Variants in MTOR observed in about 807,000 individuals in gnomAD.
The protein encoded by MTOR is serine/threonine-protein kinase mTOR.
Under a neutral mutation model 319.8 loss-of-function variants are expected in MTOR, and 70 were observed. The ratio of observed to expected loss-of-function variants is 0.22; its 90% confidence interval spans 0.18 to 0.27. The LOEUF is 0.27. Ranked by LOEUF, MTOR falls within the 10% of genes least tolerant of loss-of-function variation. MTOR has a pLI of 1.00. For synonymous variants in MTOR, 1,183 were observed against 1,211.4 expected (o/e 0.98, Z 0.49); for missense variants, 1,890 against 3,274.4 (o/e 0.58, Z 10.32).
chr1:11,258,670 G>A, intron 2 of MTOR, 77 bp from the exon 3 acceptor site: 1 of 1,085,126 alleles, frequency 9.2e-7, no homozygotes, highest in Non-Finnish European at 1.4e-6. Context: ...GGCATCTAAA[G>A]ATTAGATCCT....
At chr1:11,170,849 A>C (rs1644790441) in intron 28 of MTOR, among the ~76,000 whole-genome samples, 3 of 151,046 alleles carry the variant, frequency 2.0e-5, no homozygotes, top group Non-Finnish European at 4.4e-5. Context: ...ACCACACCAC[A>C]CACGCCGGGC....
chr1:11,248,488 ATC>A (rs1649143144), intron 6 of MTOR, among the ~76,000 whole-genome samples: 1 of 152,150 alleles, frequency 6.6e-6, no homozygotes, highest in African/African-American at 2.4e-5. Flanking sequence ...GGACTGTCTG[ATC>A]TCTTTCTTCT....
In MTOR at chr1:11,128,384, G is replaced by T; in HGVS notation, c.5910+70C>A. 6.7e-7 allele frequency: 1 copy of T among 1,498,932 alleles called. No individual in the cohort carries two copies. Among genetic ancestry groups the T allele is most frequent in the Non-Finnish European group, 9.3e-7 (1 of 1,078,378 alleles). 92.9% of individuals were successfully genotyped at this position (1,498,932 alleles called of 1,614,324 possible). ...CCCAGTTCCTGCGCTTGTGTCGCCA[G>T]GGCAGCTTTTGGAAAGGCTGACCAC... On this transcript the variant is annotated intron_variant, in intron 42 of 57. Coordinates refer to ENST00000361445, the MANE Select transcript of MTOR (RefSeq NM_004958.4). The surrounding 1 kb of genome is among the most constrained non-coding windows in gnomAD (Gnocchi z 5.3).
Position 11,121,951 on chromosome 1 carries a change from C to T in MTOR, c.6810+28G>A, listed in dbSNP as rs2100361067. 3.7e-6 allele frequency: 6 copies of T among 1,611,556 alleles called. No individual in the cohort carries two copies. Among genetic ancestry groups the T allele is most frequent in the Non-Finnish European group, 5.1e-6 (6 of 1,178,412 alleles). The stretch of plus-strand genomic sequence containing the variant: ...CGGAGATTCCCTGCCACGGAAGGGG[C>T]ACTAGCTCTCGTGGCCGCATCACAT... On this transcript the variant is annotated intron_variant, in intron 48 of 57. Coordinates refer to ENST00000361445, the MANE Select transcript of MTOR (RefSeq NM_004958.4). The surrounding 1 kb of genome is among the most constrained non-coding windows in gnomAD (Gnocchi z 4.9).
At chr1:11,131,076 A>G in intron 38 of MTOR, 1 of 470,120 alleles carries the variant, frequency 2.1e-6, no homozygotes, top group Non-Finnish European at 3.8e-6. Flanking sequence ...GAGCTCACGC[A>G]CAAACCTGAA....
chr1:11,175,333 T>C (rs1250372731), intron 28 of MTOR, among the ~76,000 whole-genome samples: 1 of 152,116 alleles, frequency 6.6e-6, no homozygotes, highest in Non-Finnish European at 1.5e-5. Context: ...TACAGACATA[T>C]TCATTCTCAT....
chr1:11,190,102 G>C lies in MTOR; in HGVS notation c.4253+9156C>G, dbSNP rs17036487. On this transcript the variant is annotated intron_variant, in intron 28 of 57. Coordinates refer to ENST00000361445, the MANE Select transcript of MTOR (RefSeq NM_004958.4). ...TAAAGGCTTATGCAGTATTTCCTTT[G>C]ACTTCTAATGCTATGTAAGTTTACC... The C allele has an allele frequency of 8.1e-3, 7,592 of 933,692 alleles. 261 individuals are homozygous for C. The highest frequency in any genetic ancestry group is 0.062 in the Admixed American group (2,145 of 34,790). 57.8% of individuals were successfully genotyped at this position (933,692 alleles called of 1,614,324 possible).
At chr1:11,157,389 A>T (rs916384945) in intron 29 of MTOR, 98 bp from the exon 30 acceptor site, 47 of 1,393,046 alleles carry the variant, frequency 3.4e-5, no homozygotes, top group Non-Finnish European at 4.1e-5. Flanking sequence ...TGCTGTACGC[A>T]TGACACTTCA....
chr1:11,192,389 C>T (rs1645575623), intron 28 of MTOR: 2 of 1,566,090 alleles, frequency 1.3e-6, no homozygotes, highest in East Asian at 4.5e-5. Flanking sequence ...ATTACAGTCA[C>T]TGGCCATGCC....
intron 36 of MTOR, among the ~76,000 whole-genome samples, chr1:11,137,003 G>C (rs541140615): frequency 6.6e-6 from 1 of 151,062 alleles, no homozygotes; most frequent in Non-Finnish European, 1.5e-5. Context: ...CACCACACCC[G>C]GCTAATTTTT....
intron 6 of MTOR, among the ~76,000 whole-genome samples, chr1:11,248,301 A>G (rs1649115408): frequency 2.0e-5 from 3 of 152,190 alleles, no homozygotes; most frequent in African/African-American, 4.8e-5. Context: ...GCAGAAGAGC[A>G]CCACCTATTG....
At position 11,199,383 on chromosome 1, in the gene MTOR, A is replaced by T. The variant is rs975577894; in HGVS notation, c.4128T>A (p.Asp1376Glu). Residue 1376 changes from aspartate (D) to glutamate (E), a missense_variant, in exon 28 of 58, where the codon GAT (aspartate) becomes GAA (glutamate). Transcript: ENST00000361445. The surrounding 1 kb of genome is among the most constrained non-coding windows in gnomAD (Gnocchi z 4.5). Reference sequence around the variant, plus strand: ...CACCCAGCAGAACAATGCCATTGTCATCTCTCAGTGGCAGGGGGCCCTGGA... The same window carrying T: ...CACCCAGCAGAACAATGCCATTGTCTTCTCTCAGTGGCAGGGGGCCCTGGA... Reference protein sequence around the residue: ...HSDKGPLPLRDDNGIVLLGER... With the variant: ...HSDKGPLPLREDNGIVLLGER... 1.2e-6 allele frequency: 2 copies of T among 1,614,166 alleles called. No homozygotes were observed. The highest frequency in any genetic ancestry group is 1.7e-6 in the Non-Finnish European group (2 of 1,180,026).
chr1:11,236,287 C>A (rs1397701736), intron 13 of MTOR, among the ~76,000 whole-genome samples: 1 of 151,796 alleles, frequency 6.6e-6, no homozygotes, highest in African/African-American at 2.4e-5. Flanking sequence ...CAGGTATGCA[C>A]CACTACACCC....
At chr1:11,238,824 G>A (rs1040893823) in intron 11 of MTOR, among the ~76,000 whole-genome samples, 8 of 150,470 alleles carry the variant, frequency 5.3e-5, no homozygotes, top group African/African-American at 2.0e-4. Flanking sequence ...GTGCAGTGGC[G>A]CAATCTCCAC....
In MTOR at chr1:11,247,891, G is replaced by A. The variant is rs1649058971; in HGVS notation, c.1044C>T (p.Ser348=). Residue 348 remains serine, a synonymous_variant, in exon 7 of 58, where the codon TCC becomes TCT. Transcript: ENST00000361445. The part of the protein sequence containing the change: ...SHQGLMGFGT[S]PSPAKSTLVE... Reference sequence around the variant, plus strand: ...CCAGGGTGGACTTAGCTGGACTGGGGGAGGTCCCAAATCCCATGAGGCCTT... The same window carrying A: ...CCAGGGTGGACTTAGCTGGACTGGGAGAGGTCCCAAATCCCATGAGGCCTT... The A allele has an allele frequency of 6.2e-7, 1 of 1,614,164 alleles. No homozygotes were observed. The highest frequency in any genetic ancestry group is 2.2e-5 in the East Asian group (1 of 44,878).
At chr1:11,202,016 G>C (rs1005524386) in intron 26 of MTOR, among the ~76,000 whole-genome samples, 1 of 152,106 alleles carries the variant, frequency 6.6e-6, no homozygotes, top group Non-Finnish European at 1.5e-5. Context: ...AGGTTGCCCA[G>C]GCTGGTCTTG....
Position 11,234,136 on chromosome 1 carries a change from G to C in MTOR, c.2331+7C>G, listed in dbSNP as rs2100881292. On this transcript the variant is annotated splice_region_variant and intron_variant, in intron 14 of 57. Coordinates refer to ENST00000361445, the MANE Select transcript of MTOR (RefSeq NM_004958.4). ...AGAGAAAGCACCAGCCTCTCGGTTT[G>C]TGTTACCTTCAGAATAGGCTCCATG... 1 of 1,614,166 alleles carries C rather than the reference G, an allele frequency of 6.2e-7. No individual in the cohort carries two copies. The highest frequency in any genetic ancestry group is 8.5e-7 in the Non-Finnish European group (1 of 1,180,018).
intron 13 of MTOR, among the ~76,000 whole-genome samples, chr1:11,236,457 C>G (rs1322521321): frequency 4.0e-5 from 6 of 150,968 alleles, no homozygotes; most frequent in Non-Finnish European, 2.9e-5. Flanking sequence ...GATATTTCTA[C>G]GCCAAATTAA....
intron 8 of MTOR, among the ~76,000 whole-genome samples, chr1:11,244,717 G>A (rs868196053): frequency 2.0e-5 from 3 of 152,242 alleles, no homozygotes; most frequent in African/African-American, 4.8e-5. Context: ...GTATATGATG[G>A]TGGTCCCATA....
Sources: gnomAD v4.1 joint callset for allele counts (sites outside exome capture counted in the v4.1 genomes callset) on GRCh38, gnomAD v4.1.1 for gene constraint, Gnocchi (gnomAD v3.1) non-coding constraint, MANE v1.5 for transcripts, NCBI Gene and HGNC (gene_info 2026-07-23, HGNC 2026-07-21) for gene names.